Variants in TAFA2 observed in about 807,000 individuals in gnomAD.
TAFA2 encodes chemokine-like protein TAFA-2.
A neutral mutation model predicts 18.8 loss-of-function variants in TAFA2; 7 were observed. The ratio of observed to expected loss-of-function variants is 0.37; its 90% CI spans 0.21 to 0.70. The LOEUF (loss-of-function observed/expected upper bound fraction) is 0.70. TAFA2 is among the 30% of genes least tolerant of loss of function. TAFA2 has a pLI of 0.53. For missense variants in TAFA2, 122 were observed against 158.1 expected (o/e 0.77, Z 1.23); for synonymous variants, 60 against 54.2 (o/e 1.11, Z -0.47).
At chr12:62,083,348 A>G (rs1868352320) in intron 1 of TAFA2, among the ~76,000 whole-genome samples, 1 of 152,146 alleles carries the variant, frequency 6.6e-6, no homozygotes, top group African/African-American at 2.4e-5. Context: ...TGCTATTACA[A>G]GAGTGTCTTC....
intron 2 of TAFA2, among the ~76,000 whole-genome samples, chr12:61,830,190 ATATG>A (rs1872666348): frequency 1.3e-5 from 2 of 150,630 alleles, no homozygotes. Flanking sequence ...TGCTATATAT[ATATG>A]TATATGGTAT....
At chr12:61,733,070 A>C (rs1868250298) in intron 4 of TAFA2, among the ~76,000 whole-genome samples, 1 of 152,068 alleles carries the variant, frequency 6.6e-6, no homozygotes, top group Non-Finnish European at 1.5e-5. Flanking sequence ...AGAAAGAAAT[A>C]GATAAAAATC....
At chr12:61,875,282 CTCTT>C (rs1402707323) in intron 1 of TAFA2, among the ~76,000 whole-genome samples, 11 of 151,988 alleles carry the variant, frequency 7.2e-5, no homozygotes, top group Admixed American at 7.2e-4. Flanking sequence ...AATTTTGTAT[CTCTT>C]TCCACTTCAG....
chr12:61,982,690 A>C (rs1879678651), intron 1 of TAFA2, among the ~76,000 whole-genome samples: 1 of 152,020 alleles, frequency 6.6e-6, no homozygotes, highest in South Asian at 2.1e-4. Context: ...TCTCCCAGCA[A>C]CACCAAAATA....
intron 1 of TAFA2, among the ~76,000 whole-genome samples, chr12:62,104,170 AT>A (rs1869339231): frequency 6.6e-6 from 1 of 152,152 alleles, no homozygotes; most frequent in African/African-American, 2.4e-5. Flanking sequence ...GTTTGAGGGA[AT>A]TTATTGAGTA....
chr12:62,005,182 G>A (rs1027538383), intron 1 of TAFA2, among the ~76,000 whole-genome samples: 1 of 152,052 alleles, frequency 6.6e-6, no homozygotes, highest in Non-Finnish European at 1.5e-5. Flanking sequence ...GAGTTTAGGT[G>A]TTACCACCAA....
rs551931523 is a variant in TAFA2 at position 62,213,674 on chromosome 12, T to C, written c.-130+45089A>G. Among the ~76,000 whole-genome samples the C allele has an allele frequency of 2.0e-5, 3 of 151,584 alleles. No individual in the cohort carries two copies. The South Asian group carries it at 6.2e-4, about 32-fold the overall frequency. ...AAAAAAAGTGTAAGTTGCCATTAGG[T>C]ACTCCTGTGTGTGGTGCTGTGCCTT... On this transcript the variant is annotated intron_variant, in intron 1 of 5. Coordinates refer to the TAFA2 transcript ENST00000551619.
intron 1 of TAFA2, among the ~76,000 whole-genome samples, chr12:61,870,589 T>C (rs1225842612): frequency 1.3e-5 from 2 of 152,186 alleles, no homozygotes; most frequent in African/African-American, 4.8e-5. Context: ...CCTTTCTTTA[T>C]GTCTCTAATC....
At chr12:61,881,701 A>G (rs1332744377) in intron 1 of TAFA2, among the ~76,000 whole-genome samples, 1 of 151,446 alleles carries the variant, frequency 6.6e-6, no homozygotes, top group Non-Finnish European at 1.5e-5. Context: ...GCCTCATACC[A>G]CCCCCACCCT....
intron 2 of TAFA2, among the ~76,000 whole-genome samples, chr12:61,775,464 T>TA (rs951614559): frequency 4.0e-5 from 6 of 151,288 alleles, no homozygotes; most frequent in Admixed American, 1.3e-4. Flanking sequence ...TTATTCAAGC[T>TA]AAAAAAAATG....
At chr12:62,028,562 G>T (rs1034348015) in intron 1 of TAFA2, among the ~76,000 whole-genome samples, 4 of 152,184 alleles carry the variant, frequency 2.6e-5, no homozygotes. Context: ...CAGCACAAAA[G>T]AAAAGCATTG....
intron 2 of TAFA2, among the ~76,000 whole-genome samples, chr12:61,849,464 T>TC (rs1250875776): frequency 6.6e-6 from 1 of 152,202 alleles, no homozygotes; most frequent in Non-Finnish European, 1.5e-5. Flanking sequence ...TAAATTTAAT[T>TC]CCCAGCCTAG....
intron 1 of TAFA2, among the ~76,000 whole-genome samples, chr12:62,071,817 G>C (rs560418937): frequency 1.3e-5 from 2 of 152,158 alleles, no homozygotes; most frequent in African/African-American, 2.4e-5. Flanking sequence ...GTGGATGATA[G>C]TGTCATCCTG....
chr12:61,861,157 GC>G (rs1376199909), intron 2 of TAFA2, among the ~76,000 whole-genome samples: 3 of 151,802 alleles, frequency 2.0e-5, no homozygotes, highest in African/African-American at 7.3e-5. Context: ...TCGCCATGTT[GC>G]CCAGGCTGGT....
intron 1 of TAFA2, among the ~76,000 whole-genome samples, chr12:61,926,534 G>C (rs985544904): frequency 3.3e-5 from 5 of 152,068 alleles, no homozygotes; most frequent in African/African-American, 1.2e-4. Flanking sequence ...ATGCAAGGCT[G>C]GTCCAACATA....
At chr12:61,740,088 G>GTTTCTC (rs886277794) in intron 4 of TAFA2, among the ~76,000 whole-genome samples, 1 of 152,044 alleles carries the variant, frequency 6.6e-6, no homozygotes, top group African/African-American at 2.4e-5. Flanking sequence ...ATATTACCCA[G>GTTTCTC]TTTCTCTTTC....
At chr12:61,998,398 C>T (rs1295055583) in intron 1 of TAFA2, among the ~76,000 whole-genome samples, 1 of 152,146 alleles carries the variant, frequency 6.6e-6, no homozygotes. Flanking sequence ...AAAGATAGCG[C>T]TCTCATGAAG....
intron 1 of TAFA2, among the ~76,000 whole-genome samples, chr12:62,211,396 T>C (rs948891986): frequency 1.3e-5 from 2 of 152,020 alleles, no homozygotes; most frequent in African/African-American, 4.8e-5. Context: ...TTGGCTAACA[T>C]GGTGAAACCC....
intron 1 of TAFA2, among the ~76,000 whole-genome samples, chr12:61,898,916 C>G (rs907581506): frequency 6.6e-6 from 1 of 151,476 alleles, no homozygotes; most frequent in Non-Finnish European, 1.5e-5. Flanking sequence ...TTTTTCCAAA[C>G]GTTTTATGCT....
Sources: gnomAD v4.1 joint callset for allele counts (sites outside exome capture counted in the v4.1 genomes callset) on GRCh38, gnomAD v4.1.1 for gene constraint, MANE v1.5 for transcripts, NCBI Gene and HGNC (gene_info 2026-07-23, HGNC 2026-07-21) for gene names.